Variants in NNT observed in about 807,000 individuals in gnomAD.
NNT encodes NAD(P) transhydrogenase, mitochondrial.
Under a neutral mutation model 104.8 loss-of-function variants are expected in NNT, and 50 were observed. That is an observed-to-expected ratio of 0.48 (90% CI 0.38 to 0.60). The LOEUF is 0.60. Ranked by LOEUF, NNT falls within the 20% of genes least tolerant of loss-of-function variation. The pLI is 0.00. For synonymous variants in NNT, 461 were observed against 490.4 expected, an observed-to-expected ratio of 0.94 and a Z score of 0.79; for missense variants, 1,131 against 1,330.7, an observed-to-expected ratio of 0.85 and a Z score of 2.33.
chr5:43,654,481 A>G (rs2111922632), intron 14 of NNT, among the ~76,000 whole-genome samples: 1 of 152,382 alleles, frequency 6.6e-6, no homozygotes, highest in East Asian at 1.9e-4. Flanking sequence ...TATGGTTGAT[A>G]AATGAGTGAA....
At chr5:43,703,404 G>A (rs1580142425) in intron 21 of NNT, among the ~76,000 whole-genome samples, 1 of 152,124 alleles carries the variant, frequency 6.6e-6, no homozygotes, top group African/African-American at 2.4e-5. Context: ...AAATATTGGA[G>A]TTTAAAACTT....
At chr5:43,647,943 A>T (rs558027931) in intron 10 of NNT, 1 of 469,056 alleles carries the variant, frequency 2.1e-6, no homozygotes. Context: ...GAGAGGGTTG[A>T]TAATTTTACC....
At position 43,650,558 on chromosome 5, in the gene NNT, C is replaced by T. The variant is rs1454180788; in HGVS notation, c.1688C>T (p.Ala563Val). The T allele has an allele frequency of 6.2e-7, 1 of 1,614,038 alleles. No individual in the cohort carries two copies. Among genetic ancestry groups the T allele is most frequent in the South Asian group, 1.1e-5 (1 of 91,084 alleles). The change falls in exon 12 of 22, where the codon GCT becomes GTT. Residue 563 changes from alanine to valine, a missense_variant. Physicochemically the swap from Ala to Val is moderately conservative, Grantham distance 64. Transcript: ENST00000344920. ...ACTTCTCAGGGCCTTGCTGCTCTTGCTGCATTCATATCCTCTGTCAACATT... is the reference window on the plus strand; with the variant it reads ...ACTTCTCAGGGCCTTGCTGCTCTTGTTGCATTCATATCCTCTGTCAACATT... ...STTSQGLAAL[A>V]AFISSVNIAG...
At chr5:43,687,181 G>A (rs1742032839) in intron 19 of NNT, among the ~76,000 whole-genome samples, 2 of 152,134 alleles carry the variant, frequency 1.3e-5, no homozygotes, top group South Asian at 4.1e-4. Flanking sequence ...TTATTGTATA[G>A]TAAGAAGTAG....
chr5:43,699,190 C>T (rs1251660228), intron 19 of NNT, among the ~76,000 whole-genome samples: 1 of 151,952 alleles, frequency 6.6e-6, no homozygotes, highest in Non-Finnish European at 1.5e-5. Context: ...GGGTCCTTTA[C>T]CTTAAGTGTA....
intron 17 of NNT, among the ~76,000 whole-genome samples, chr5:43,668,831 C>T (rs1740869121): frequency 6.6e-6 from 1 of 152,144 alleles, no homozygotes; most frequent in African/African-American, 2.4e-5. Context: ...TCATTGGTAA[C>T]TTGATGGGGA....
intron 19 of NNT, among the ~76,000 whole-genome samples, chr5:43,699,217 T>C (rs188115552): frequency 9.3e-5 from 14 of 150,190 alleles, no homozygotes; most frequent in African/African-American, 3.2e-4. Flanking sequence ...TGCTTGTGTA[T>C]TACCCACTCT....
intron 19 of NNT, among the ~76,000 whole-genome samples, chr5:43,680,559 A>C (rs1056654105): frequency 6.6e-6 from 1 of 152,108 alleles, no homozygotes; most frequent in African/African-American, 2.4e-5. Flanking sequence ...GTCATCAATT[A>C]GTTATACCCA....
chr5:43,645,653 ATCTCTCTC>A (rs372296149), intron 10 of NNT, 143 bp downstream of exon 10: 1,036 of 68,476 alleles, frequency 0.015, 23 homozygotes, highest in Non-Finnish European at 0.019. Flanking sequence ...CTATCTATCT[ATCTCTCTC>A]TCTCTCTCTC....
At chr5:43,702,561 A>G (rs1207883685) in intron 20 of NNT, 60 bp from the exon 21 acceptor site, 6 of 1,052,064 alleles carry the variant, frequency 5.7e-6, no homozygotes, top group Non-Finnish European at 8.2e-6. Flanking sequence ...AATTTGTCTG[A>G]AAATATGTAA....
chr5:43,678,233 A>G lies in NNT; in HGVS notation c.2876+427A>G, dbSNP rs74339395. 3.9e-3 allele frequency among the ~76,000 whole-genome samples: 596 copies of G among 152,322 alleles called. 5 individuals carry two copies. The highest frequency in any genetic ancestry group is 6.5e-3 in the Admixed American group (100 of 15,292). On this transcript the variant is annotated intron_variant, in intron 19 of 21. Transcript: ENST00000344920. ...TGCTCTCATGAGTGGCAGCGGTAGA[A>G]GAAAATCTGTGGATAAGTGGACCCT...
intron 1 of NNT, among the ~76,000 whole-genome samples, chr5:43,607,853 T>C (rs1472814938): frequency 1.3e-5 from 2 of 152,170 alleles, no homozygotes; most frequent in African/African-American, 4.8e-5. Flanking sequence ...AGGGTCCACA[T>C]GATACAGCAG....
At chr5:43,632,303 C>CT (rs2111729849) in intron 7 of NNT, among the ~76,000 whole-genome samples, 1 of 152,232 alleles carries the variant, frequency 6.6e-6, no homozygotes, top group Non-Finnish European at 1.5e-5. Flanking sequence ...CAGAAATTCT[C>CT]TAAGCTAAGA....
chr5:43,685,212 CT>C (rs1169945878), intron 19 of NNT, among the ~76,000 whole-genome samples: 2 of 152,008 alleles, frequency 1.3e-5, no homozygotes, highest in African/African-American at 2.4e-5. Context: ...ACAAATGAGC[CT>C]TCTTTTTATT....
At chr5:43,621,087 A>G (rs1234082869) in intron 5 of NNT, among the ~76,000 whole-genome samples, 4 of 152,242 alleles carry the variant, frequency 2.6e-5, no homozygotes, top group Non-Finnish European at 5.9e-5. Flanking sequence ...GGTGGATTGC[A>G]TAATACTGTC....
At chr5:43,654,999 G>T (rs949004294) in intron 14 of NNT, among the ~76,000 whole-genome samples, 9 of 152,184 alleles carry the variant, frequency 5.9e-5, no homozygotes, top group Non-Finnish European at 1.3e-4. Context: ...TAGCCATGCA[G>T]TTCCTTCAGA....
intron 20 of NNT, among the ~76,000 whole-genome samples, chr5:43,701,010 A>G (rs1428425453): frequency 1.3e-5 from 2 of 152,218 alleles, no homozygotes; most frequent in African/African-American, 4.8e-5. Context: ...CTGTTGTTAA[A>G]TTATGTGTGA....
chr5:43,661,859 C>G (rs371917076), intron 17 of NNT, among the ~76,000 whole-genome samples: 3 of 151,910 alleles, frequency 2.0e-5, no homozygotes, highest in African/African-American at 7.3e-5. Context: ...TGAATAGTGC[C>G]GCAATAAACA....
intron 5 of NNT, 120 bp downstream of exon 5, chr5:43,619,239 G>A (rs2111604453): frequency 4.9e-6 from 2 of 408,750 alleles, no homozygotes; most frequent in East Asian, 7.8e-5. Flanking sequence ...TGACTTTTTG[G>A]TGTGTATAAA....
Sources: gnomAD v4.1 joint callset for allele counts (sites outside exome capture counted in the v4.1 genomes callset) on GRCh38, gnomAD v4.1.1 for gene constraint, MANE v1.5 for transcripts, NCBI Gene and HGNC (gene_info 2026-07-23, HGNC 2026-07-21) for gene names.